The following TFAP2A variants were observed in gnomAD, a reference collection of about 807,000 sequenced individuals.
The protein encoded by TFAP2A is transcription factor AP-2 alpha.
In TFAP2A, 7 loss-of-function variants were observed where a neutral mutation model predicts 41.5. The ratio of observed to expected loss-of-function variants is 0.17; its 90% CI spans 0.10 to 0.32. The LOEUF is 0.32. Ranked by LOEUF, TFAP2A falls within the 10% of genes least tolerant of loss-of-function variation. The probability of loss-of-function intolerance (pLI) is 1.00; values close to 1 mark genes in which losing one functional copy is unlikely to be tolerated. For synonymous variants in TFAP2A, 247 were observed against 242.8 expected, an observed-to-expected ratio of 1.02 and a Z score of -0.16; for missense variants, 416 against 563.3, an observed-to-expected ratio of 0.74 and a Z score of 2.65.
upstream of TFAP2A, among the ~76,000 whole-genome samples, chr6:10,417,636 A>T (rs1312055650): frequency 1.3e-5 from 2 of 152,138 alleles, no homozygotes; most frequent in Non-Finnish European, 2.9e-5. Flanking sequence ...TGTGTGAGAG[A>T]CAGAGTCACA....
Position 10,415,002 on chromosome 6 carries a change from G to GA in TFAP2A, c.-12dup. On this transcript the variant is annotated 5_prime_UTR_variant, in exon 1 of 7. Coordinates refer to ENST00000379613, the MANE Select transcript of TFAP2A (RefSeq NM_001372066.1). ...CCAAAGCATTTTCATGGATCGGCGT[G>GA]AACGGATATGCCCCTCTCGGTCTCG... 1 of 1,614,158 alleles carries GA rather than the reference G, an allele frequency of 6.2e-7. No individual in the cohort carries two copies. The highest frequency in any genetic ancestry group is 1.6e-4 in the Middle Eastern group (1 of 6,062).
At chr6:10,419,495 T>C, upstream of TFAP2A, 1 of 1,613,922 alleles carries the variant, frequency 6.2e-7, no homozygotes, top group Non-Finnish European at 8.5e-7. Flanking sequence ...GGGCATGGGC[T>C]GGAGGGCTCG....
Position 10,398,122 on chromosome 6 carries a change from C to A in TFAP2A, c.*295G>T. On this transcript the variant is annotated 3_prime_UTR_variant, in exon 7 of 7. Transcript: ENST00000379613. This position sits in a 1 kb window ranked among gnomAD's most constrained non-coding sequence, Gnocchi z 5.3. ...TTCACAAACTTGGCAGAACTTTTCT[C>A]TGCTGGCTTCACGGCCTGTTCTGTT... 7.7e-7 allele frequency: 1 copy of A among 1,300,880 alleles called. No homozygotes were observed. The highest frequency in any genetic ancestry group is 9.7e-7 in the Non-Finnish European group (1 of 1,025,886). 80.6% of individuals were successfully genotyped at this position (1,300,880 alleles called of 1,614,324 possible). A position where few individuals can be genotyped will look rare whatever the true frequency, so the allele number is the denominator to read the frequency against.
At chr6:10,406,711 A>C (rs1757732046) in intron 3 of TFAP2A, 82 bp downstream of exon 3, 2 of 1,256,252 alleles carry the variant, frequency 1.6e-6, no homozygotes, top group Non-Finnish European at 2.3e-6. Flanking sequence ...TATTTGGAAA[A>C]AATAAACACA....
upstream of TFAP2A, chr6:10,415,128 G>T: frequency 6.4e-7 from 1 of 1,564,984 alleles, no homozygotes; most frequent in East Asian, 2.3e-5. Flanking sequence ...GGAGGAGAAG[G>T]AGGAGGGAGA....
Position 10,415,043 on chromosome 6 carries a change from ACT to A in TFAP2A, c.-54_-53del. On this transcript the variant is annotated 5_prime_UTR_variant, in exon 1 of 7. Coordinates refer to ENST00000379613, the MANE Select transcript of TFAP2A (RefSeq NM_001372066.1). ...CTCGGTCTCGCACCCAAGTGGAGCT[ACT>A]CTCTGGGTGAGCGCAAAGTGCTGGC... 6 of 1,613,188 alleles carry A rather than the reference ACT, an allele frequency of 3.7e-6. No homozygotes were observed. Among genetic ancestry groups the A allele is most frequent in the Non-Finnish European group, 4.2e-6 (5 of 1,179,814 alleles).
chr6:10,414,525 G>A (rs1376562335), intron 1 of TFAP2A: 3 of 330,244 alleles, frequency 9.1e-6, no homozygotes, highest in Non-Finnish European at 1.7e-5. Flanking sequence ...GATCGGAGAG[G>A]AAGTTCAAGA....
At chr6:10,419,097 G>C (rs1758341672), upstream of TFAP2A, among the ~76,000 whole-genome samples, 2 of 152,054 alleles carry the variant, frequency 1.3e-5, no homozygotes, top group East Asian at 1.9e-4. Flanking sequence ...GTTTCTACTT[G>C]AGGTGGGAGG....
upstream of TFAP2A, chr6:10,416,482 A>G (rs1391348761): frequency 6.6e-6 from 1 of 151,918 alleles, no homozygotes; most frequent in African/African-American, 2.4e-5. Context: ...CAGAGTAATT[A>G]ATTTTCCTGG....
At chr6:10,415,443 A>T (rs889799881), upstream of TFAP2A, 76 of 319,654 alleles carry the variant, frequency 2.4e-4, no homozygotes, top group African/African-American at 1.5e-3. Flanking sequence ...GCGAACTGAT[A>T]AAACCTTCCT....
intron 4 of TFAP2A, 78 bp from the exon 5 acceptor site, chr6:10,402,688 G>A (rs1762054868): frequency 8.8e-7 from 1 of 1,141,416 alleles, no homozygotes; most frequent in Admixed American, 1.7e-5. Flanking sequence ...CATTTTGAAA[G>A]CTTCCTAAAA....
rs1037288817 is a variant in TFAP2A at position 10,406,781 on chromosome 6, G to A, written c.538+12C>T. The stretch of plus-strand genomic sequence containing the variant: ...TAAGGACATGCTTGGAATGCAGAAG[G>A]AAATGGCTTACCTTTCTTAATTACA... On this transcript the variant is annotated intron_variant, in intron 3 of 6. Coordinates refer to ENST00000379613, the MANE Select transcript of TFAP2A (RefSeq NM_001372066.1). 5 of 1,610,144 alleles carry A rather than the reference G, an allele frequency of 3.1e-6. No individual in the cohort carries two copies. Among genetic ancestry groups the A allele is most frequent in the African/African-American group, 2.7e-5 (2 of 74,956 alleles).
At chr6:10,419,644 A>C (rs1045196482), upstream of TFAP2A, 53 of 675,312 alleles carry the variant, frequency 7.8e-5, no homozygotes, top group African/African-American at 4.3e-4. Flanking sequence ...CGCCAGCTGC[A>C]GTCCCAGCGC....
chr6:10,406,915 A>T (rs528950511), intron 2 of TFAP2A, 71 bp from the exon 3 acceptor site: 1 of 1,197,656 alleles, frequency 8.3e-7, no homozygotes, highest in African/African-American at 1.5e-5. Context: ...TCCCTGCAAG[A>T]TGGGAGGAGG....
chr6:10,406,851 C>A lies in TFAP2A; in HGVS notation c.487-7G>T. ...TACCCGGGTCTTCTACATGCTGCAACAAAAGGATACACATGGATGTAAGTG... is the reference window on the plus strand; with the variant it reads ...TACCCGGGTCTTCTACATGCTGCAAAAAAAGGATACACATGGATGTAAGTG... On this transcript the variant is annotated splice_region_variant and splice_polypyrimidine_tract_variant and intron_variant, in intron 2 of 6. Coordinates refer to ENST00000379613, the MANE Select transcript of TFAP2A (RefSeq NM_001372066.1). The A allele has an allele frequency of 6.2e-7, 1 of 1,608,542 alleles. No homozygotes were observed. Among genetic ancestry groups the A allele is most frequent in the Non-Finnish European group, 8.5e-7 (1 of 1,174,938 alleles).
At chr6:10,415,349 AC>A, upstream of TFAP2A, 1 of 1,153,616 alleles carries the variant, frequency 8.7e-7, no homozygotes, top group Non-Finnish European at 1.1e-6. Context: ...GCTCGCCAGT[AC>A]CACAATCTGC....
rs966300825 is a variant in TFAP2A at position 10,404,825 on chromosome 6, G to C, written c.539-86C>G. The stretch of plus-strand genomic sequence containing the variant: ...GACCCCGGCCCTCATCCCGGCCAGG[G>C]CCGGATCCCAGGCTTTGGGCCACAG... On this transcript the variant is annotated intron_variant, in intron 3 of 6. Transcript: ENST00000379613. 5.5e-6 allele frequency: 7 copies of C among 1,278,186 alleles called. No homozygotes were observed. In the African/African-American group the frequency reaches 1.0e-4, roughly 19 times the overall value. 79.2% of individuals were successfully genotyped at this position (1,278,186 alleles called of 1,614,324 possible).
chr6:10,408,207 A>C (rs1056525830), intron 2 of TFAP2A, among the ~76,000 whole-genome samples: 6 of 152,236 alleles, frequency 3.9e-5, no homozygotes, highest in African/African-American at 1.2e-4. Context: ...AATTGAAAAC[A>C]ACCTTTTTCT....
At chr6:10,407,503 T>TTC (rs1218431837) in intron 2 of TFAP2A, 5 of 149,516 alleles carry the variant, frequency 3.3e-5, no homozygotes, top group Non-Finnish European at 7.4e-5. Flanking sequence ...TTCTTTTCTT[T>TTC]TTTTTTTTTT....
Sources: gnomAD v4.1 joint callset for allele counts (sites outside exome capture counted in the v4.1 genomes callset) on GRCh38, gnomAD v4.1.1 for gene constraint, Gnocchi (gnomAD v3.1) non-coding constraint, MANE v1.5 for transcripts, NCBI Gene and HGNC (gene_info 2026-07-23, HGNC 2026-07-21) for gene names.